Variants in IL17RC observed in about 807,000 individuals in gnomAD.
The protein encoded by IL17RC is interleukin 17 receptor C, also known as interleukin-17 receptor C.
IL17RC carries 53 observed loss-of-function variants against 86.7 expected under a neutral mutation model. The ratio of observed to expected loss-of-function variants is 0.61; its 90% CI spans 0.49 to 0.77. IL17RC has a LOEUF of 0.77. Among genes scored for constraint, IL17RC ranks in the 30% least tolerant of loss-of-function variants. The pLI is 0.00. For missense variants in IL17RC, 957 were observed against 940.0 expected (o/e 1.02, Z -0.24); for synonymous variants, 439 against 413.1 (o/e 1.06, Z -0.76).
chr3:9,932,591 T>C lies in IL17RC; in HGVS notation c.1388-17T>C. ...GTGGAGGGTAAGTTTCTAACTCTTC[T>C]TCTCTGGGTCTCCCAGACATCCACA... On this transcript the variant is annotated splice_polypyrimidine_tract_variant and intron_variant, in intron 16 of 18. Transcript: ENST00000403601. 6.2e-7 allele frequency: 1 copy of C among 1,609,510 alleles called. No homozygotes were observed. The highest frequency in any genetic ancestry group is 8.5e-7 in the Non-Finnish European group (1 of 1,175,718).
chr3:9,918,604 T>G lies in IL17RC; in HGVS notation c.460T>G (p.Ser154Ala). Residue 154 changes from serine (S) to alanine (A), a missense_variant, in exon 5 of 19, where the codon TCT becomes GCT. Transcript: ENST00000403601. ...TGCTGCCCTTGTGCAGTTTGGTCAG[T>G]CTGTGGTATGCAAAATAATAATAAT... Reference protein sequence around the residue: ...VPAALVQFGQSVGSVVYDCFE... With the variant: ...VPAALVQFGQAVGSVVYDCFE... The G allele has an allele frequency of 6.2e-7, 1 of 1,607,438 alleles. No individual in the cohort carries two copies. The highest frequency in any genetic ancestry group is 8.5e-7 in the Non-Finnish European group (1 of 1,174,062).
chr3:9,933,293 G>C lies in IL17RC; in HGVS notation c.1863G>C (p.Leu621Phe). 1 of 1,603,880 alleles carries C rather than the reference G, an allele frequency of 6.2e-7. No homozygotes were observed. The highest frequency in any genetic ancestry group is 8.5e-7 in the Non-Finnish European group (1 of 1,175,378). Reference protein sequence around the residue: ...ASLSCVLPDFLQGRAPGSYVG... With the variant: ...ASLSCVLPDFFQGRAPGSYVG... ...TCAGCTGCGTGCTGCCCGACTTCTT[G>C]CAGGGCCGGGCGCCCGGCAGCTACG... The change falls in exon 19 of 19, where the codon TTG (leucine) becomes TTC (phenylalanine). Residue 621 changes from leucine to phenylalanine, a missense_variant. Leu to Phe is a conservative substitution (Grantham distance 22, BLOSUM62 0). Transcript: ENST00000403601.
At position 9,933,381 on chromosome 3, in the gene IL17RC, C is replaced by T. The variant is rs1201873707; in HGVS notation, c.1951C>T (p.Pro651Ser). ...DAVPALFRTVPVFTLPSQLPD... is the reference protein window; with the variant it reads ...DAVPALFRTVSVFTLPSQLPD... ...CGTACCCGCCCTTTTCCGCACCGTG[C>T]CCGTCTTCACACTGCCCTCCCAACT... Residue 651 changes from proline (P) to serine (S), a missense_variant, in exon 19 of 19, where the codon CCC (proline) becomes TCC (serine). Physicochemically the swap from Pro to Ser is moderately conservative, Grantham distance 74 (BLOSUM62 -1). Coordinates refer to ENST00000403601, the MANE Select transcript of IL17RC (RefSeq NM_153460.4). 6.2e-7 allele frequency: 1 copy of T among 1,612,852 alleles called. No individual in the cohort carries two copies. Among genetic ancestry groups the T allele is most frequent in the Non-Finnish European group, 8.5e-7 (1 of 1,179,678 alleles).
At position 9,917,336 on chromosome 3, in the gene IL17RC, G is replaced by A. The variant is rs1559286070; in HGVS notation, c.21G>A (p.Leu7=). 1.9e-6 allele frequency: 3 copies of A among 1,613,756 alleles called. No individual in the cohort carries two copies. The highest frequency in any genetic ancestry group is 2.5e-6 in the Non-Finnish European group (3 of 1,179,886). Residue 7 remains leucine (L), a synonymous_variant, in exon 1 of 19, where the codon TTG becomes TTA. Transcript: ENST00000403601. ...AGAAGATGCCTGTGCCCTGGTTCTTGCTGTCCTTGGCACTGGGCCGAAGCC... is the reference window on the plus strand; with the variant it reads ...AGAAGATGCCTGTGCCCTGGTTCTTACTGTCCTTGGCACTGGGCCGAAGCC... MPVPWF[L]LSLALGRSPV... is the part of the protein sequence containing the mutation.
chr3:9,928,730 C>T (rs1009838625), intron 12 of IL17RC, 100 bp downstream of exon 12: 3 of 1,259,636 alleles, frequency 2.4e-6, no homozygotes, highest in Middle Eastern at 5.0e-4. Context: ...ATAGTGGTTG[C>T]CAGCTTCCTC....
chr3:9,931,464 C>CAT (rs1338301646), intron 16 of IL17RC, among the ~76,000 whole-genome samples: 32 of 10,792 alleles, frequency 3.0e-3, no homozygotes, highest in Admixed American at 9.6e-3. Context: ...CACACACACA[C>CAT]ACACACATAT....
At position 9,929,829 on chromosome 3, in the gene IL17RC, T is replaced by C. The variant is rs375718035; in HGVS notation, c.1111-23T>C. The C allele has an allele frequency of 1.5e-5, 25 of 1,614,026 alleles. No homozygotes were observed. The African/African-American group carries it at 3.2e-4, about 21-fold the overall frequency. On this transcript the variant is annotated intron_variant, in intron 12 of 18. Transcript: ENST00000403601. ...TGGCTTTTGCTTTTCTTAGTGGCCC[T>C]AACCATGGTCTCTTCCCAGCAGGTG...
In IL17RC at chr3:9,918,656, A is replaced by G. The variant is rs180766815; in HGVS notation, c.465+47A>G. 4.3e-5 allele frequency: 55 copies of G among 1,272,144 alleles called. No individual in the cohort carries two copies. The East Asian group carries it at 1.2e-3, about 27-fold the overall frequency. 78.8% of individuals were successfully genotyped at this position (1,272,144 alleles called of 1,614,324 possible). On this transcript the variant is annotated intron_variant, in intron 5 of 18. Coordinates refer to ENST00000403601, the MANE Select transcript of IL17RC (RefSeq NM_153460.4). ...ACCTTCTAAACCTAAAATCTATAAA[A>G]CTTTTTCACATGCATTATCTCTTTG...
chr3:9,924,503 C>G (rs1006013683), intron 9 of IL17RC, among the ~76,000 whole-genome samples: 1 of 152,196 alleles, frequency 6.6e-6, no homozygotes, highest in African/African-American at 2.4e-5. Flanking sequence ...CCACAGAACT[C>G]CTGCTTATTC....
intron 5 of IL17RC, chr3:9,918,977 A>C (rs1206261134): frequency 3.0e-5 from 5 of 165,998 alleles, no homozygotes; most frequent in African/African-American, 1.2e-4. Context: ...TGGGAGTCCT[A>C]GTTGCTTCCC....
At chr3:9,920,202 C>T (rs1358938228) in intron 5 of IL17RC, among the ~76,000 whole-genome samples, 1 of 152,084 alleles carries the variant, frequency 6.6e-6, no homozygotes, top group Non-Finnish European at 1.5e-5. Flanking sequence ...TGGGGTGTCT[C>T]ATCTCCTTAG....
At chr3:9,921,022 T>A (rs925344845) in intron 7 of IL17RC, 53 bp downstream of exon 7, 2 of 1,262,446 alleles carry the variant, frequency 1.6e-6, no homozygotes, top group African/African-American at 3.0e-5. Flanking sequence ...GTCTGGAGTA[T>A]AAGAAACCCT....
chr3:9,932,512 G>A lies in IL17RC; in HGVS notation c.1388-96G>A, dbSNP rs2084836889. The A allele has an allele frequency of 6.1e-6, 7 of 1,143,524 alleles. No homozygotes were observed. In the Admixed American group the frequency reaches 1.2e-4, roughly 19 times the overall value. The allele number at this position is 1,143,524 out of a possible 1,614,324, so 70.8% of individuals were successfully genotyped here. On this transcript the variant is annotated intron_variant, in intron 16 of 18. Transcript: ENST00000403601. Reference sequence around the variant, plus strand: ...AAGTGCTGGGATTATATAAAGGCATGAGCCACCGCACCCGGCCCAATTCAT... The same window carrying A: ...AAGTGCTGGGATTATATAAAGGCATAAGCCACCGCACCCGGCCCAATTCAT...
Position 9,933,619 on chromosome 3 carries a change from C to G in IL17RC, c.*26C>G. On this transcript the variant is annotated 3_prime_UTR_variant, in exon 19 of 19. Transcript: ENST00000403601. ...ATAAAGGCAGACGCTGTTTTTCTAC[C>G]CATGTGGCCCACACGCGTCTCCGTT... 6.5e-7 allele frequency: 1 copy of G among 1,528,002 alleles called. No homozygotes were observed. Among genetic ancestry groups the G allele is most frequent in the Non-Finnish European group, 8.8e-7 (1 of 1,139,576 alleles). The allele number at this position is 1,528,002 out of a possible 1,614,324, so 94.7% of individuals were successfully genotyped here. A position where few individuals can be genotyped will look rare whatever the true frequency, so the allele number is the denominator to read the frequency against.
chr3:9,930,127 C>T lies in IL17RC; in HGVS notation c.1256C>T (p.Ser419Leu). The T allele has an allele frequency of 6.2e-7, 1 of 1,614,096 alleles. No individual in the cohort carries two copies. The highest frequency in any genetic ancestry group is 1.1e-5 in the South Asian group (1 of 91,086). ...GCCTTGGAACCCAGTGGCTGTACTT[C>T]ACTACCCAGCAAAGCCTCCACGGTT... is the stretch of plus-strand genomic sequence containing the variant. ...LCALEPSGCT[S>L]LPSKASTRAA... Residue 419 changes from serine (S) to leucine (L), a missense_variant, in exon 14 of 19, where the codon TCA becomes TTA. By Grantham distance (145) the Ser-to-Leu change is moderately radical. Transcript: ENST00000403601. This position sits in a 1 kb window ranked among gnomAD's most constrained non-coding sequence, Gnocchi z 5.8.
At chr3:9,923,685 G>A (rs757641028) in intron 7 of IL17RC, among the ~76,000 whole-genome samples, 196 bp from the exon 8 acceptor site, 20 of 152,086 alleles carry the variant, frequency 1.3e-4, no homozygotes, top group Admixed American at 3.9e-4. Flanking sequence ...GCTCTTCTCC[G>A]ACCACACACT....
At position 9,917,284 on chromosome 3, in the gene IL17RC, C is replaced by G. The variant is rs758971046; in HGVS notation, c.-32C>G. 1.3e-6 allele frequency: 2 copies of G among 1,590,932 alleles called. No homozygotes were observed. The highest frequency in any genetic ancestry group is 4.5e-5 in the East Asian group (2 of 44,580). ...CCCTTGGGGGGGGGCAGCACAGGGC[C>G]TCAGGCCTGGGTGCCACCTGGCACC... On this transcript the variant is annotated 5_prime_UTR_variant, in exon 1 of 19. Transcript: ENST00000403601.
At chr3:9,929,957 A>G (rs2084498066) in intron 13 of IL17RC, 60 bp downstream of exon 13, 6 of 1,613,638 alleles carry the variant, frequency 3.7e-6, no homozygotes, top group Admixed American at 3.3e-5. Context: ...AGGTCAGGGC[A>G]TGGGAGGCAG....
rs368816725 is a variant in IL17RC at position 9,917,394 on chromosome 3, C to T, written c.79C>T (p.Pro27Ser). The change falls in exon 1 of 19, where the codon CCT becomes TCT. Residue 27 changes from proline to serine, a missense_variant. Pro to Ser is a moderately conservative substitution (Grantham distance 74). Transcript: ENST00000403601. ...CCTTTCTCTGGAGAGGCTTGTGGGG[C>T]CTCAGGACGCTACCCACTGCTCTCC... ...VVLSLERLVG[P>S]QDATHCSPGL... 1.2e-6 allele frequency: 2 copies of T among 1,613,948 alleles called. No homozygotes were observed. Among genetic ancestry groups the T allele is most frequent in the African/African-American group, 1.3e-5 (1 of 74,922 alleles).
Sources: allele counts gnomAD v4.1 joint callset (sites outside exome capture counted in the v4.1 genomes callset), GRCh38; gene constraint gnomAD v4.1.1; non-coding constraint Gnocchi (gnomAD v3.1); transcripts MANE v1.5; gene names NCBI Gene and HGNC (gene_info 2026-07-23, HGNC 2026-07-21).